MPP4: variants seen among roughly 807,000 people sequenced by gnomAD.
MPP4 encodes MAGUK p55 subfamily member 4.
Under a neutral mutation model 98.3 loss-of-function variants are expected in MPP4, and 91 were observed. That is an observed-to-expected ratio of 0.93 (90% confidence interval 0.78 to 1.10). The LOEUF (loss-of-function observed/expected upper bound fraction) is 1.10. MPP4 is among the 50% of genes least tolerant of loss of function. The pLI is 0.00. For missense variants in MPP4, 744 were observed against 792.9 expected, an observed-to-expected ratio of 0.94 and a Z score of 0.74; for synonymous variants, 261 against 271.8, an observed-to-expected ratio of 0.96 and a Z score of 0.39.
intron 18 of MPP4, chr2:201,651,412 A>C (rs1425549726): frequency 2.0e-6 from 2 of 985,320 alleles, no homozygotes; most frequent in African/African-American, 3.5e-5. Context: ...CTCAGGTGAT[A>C]GTGAATTATG....
At chr2:201,645,476 G>A (rs1169961544) in intron 21 of MPP4, 72 bp from the exon 22 acceptor site, 2 of 1,276,716 alleles carry the variant, frequency 1.6e-6, no homozygotes, top group Non-Finnish European at 2.1e-6. Context: ...AGTTTGTTAT[G>A]CTGTCACATT....
intron 8 of MPP4, 81 bp from the exon 9 acceptor site, chr2:201,681,648 A>G: frequency 2.0e-6 from 2 of 1,017,146 alleles, no homozygotes; most frequent in Non-Finnish European, 3.1e-6. Context: ...GTTACAGTGC[A>G]ATGTATCCAG....
intron 4 of MPP4, among the ~76,000 whole-genome samples, 187 bp downstream of exon 4, chr2:201,690,015 T>G (rs1457098022): frequency 1.3e-5 from 2 of 151,346 alleles, no homozygotes; most frequent in East Asian, 1.9e-4. Context: ...TGGTGGGGAG[T>G]GTTTTAATTT....
chr2:201,655,010 CTT>C, intron 17 of MPP4, 93 bp from the exon 18 acceptor site: 1 of 757,934 alleles, frequency 1.3e-6, no homozygotes, highest in Non-Finnish European at 2.1e-6. Flanking sequence ...ACTGAAGAAA[CTT>C]GAGAGCAAAT....
chr2:201,667,480 C>A (rs1355987607), intron 12 of MPP4, among the ~76,000 whole-genome samples: 1 of 152,212 alleles, frequency 6.6e-6, no homozygotes, highest in African/African-American at 2.4e-5. Context: ...ACAGGGACTG[C>A]CTCACTAGTT....
intron 18 of MPP4, among the ~76,000 whole-genome samples, chr2:201,652,514 A>T (rs1426435313): frequency 3.9e-5 from 6 of 152,234 alleles, no homozygotes; most frequent in Non-Finnish European, 7.3e-5. Context: ...TCTTTCACTC[A>T]GGTTTAATTT....
At chr2:201,647,566 T>G in intron 21 of MPP4, 125 bp downstream of exon 21, 1 of 1,009,044 alleles carries the variant, frequency 9.9e-7, no homozygotes. Context: ...TGAGGGCCTT[T>G]TGGAGAGGGG....
At chr2:201,658,599 C>T in intron 15 of MPP4, 81 bp from the exon 16 acceptor site, 7 of 1,340,696 alleles carry the variant, frequency 5.2e-6, no homozygotes, top group Non-Finnish European at 7.3e-6. Flanking sequence ...TCATTTTCAA[C>T]TTTTCAAGTG....
At chr2:201,698,052 C>A (rs992185153) in intron 1 of MPP4, 4 of 986,174 alleles carry the variant, frequency 4.1e-6, no homozygotes, top group Non-Finnish European at 4.8e-6. Context: ...CATGCAATTC[C>A]GGACTGAGTA....
intron 16 of MPP4, among the ~76,000 whole-genome samples, chr2:201,657,601 GTTTTTTTGT>G (rs1192286305): frequency 9.5e-6 from 1 of 104,994 alleles, no homozygotes; most frequent in Non-Finnish European, 1.9e-5. Flanking sequence ...TTTTTTTTTT[GTTTTTTTGT>G]TTTTTTTTGC....
At chr2:201,663,857 G>C (rs1688091836) in intron 14 of MPP4, among the ~76,000 whole-genome samples, 1 of 152,156 alleles carries the variant, frequency 6.6e-6, no homozygotes, top group African/African-American at 2.4e-5. Flanking sequence ...ACTCCAGCCT[G>C]AGTGACAGAG....
At position 201,685,103 on chromosome 2, in the gene MPP4, C is replaced by G; in HGVS notation, c.535G>C (p.Val179Leu). Residue 179 changes from valine (V) to leucine (L), a missense_variant, in exon 7 of 22, where the codon GTG becomes CTG. By Grantham distance (32) the Val-to-Leu change is conservative (BLOSUM62 1). Coordinates refer to ENST00000409474, the MANE Select transcript of MPP4 (RefSeq NM_033066.3). ...KRHEMTGDIL[V>L]ARIIHGGLAE... The stretch of plus-strand genomic sequence containing the variant: ...AGCCCACCGTGGATGATCCTGGCCA[C>G]CAAGATGTCCCCTGTCATCTCGTGG... The G allele has an allele frequency of 6.2e-7, 1 of 1,612,340 alleles. No homozygotes were observed. The highest frequency in any genetic ancestry group is 8.5e-7 in the Non-Finnish European group (1 of 1,179,396).
intron 5 of MPP4, among the ~76,000 whole-genome samples, chr2:201,687,078 C>T (rs758577104): frequency 6.6e-6 from 1 of 152,170 alleles, no homozygotes; most frequent in Non-Finnish European, 1.5e-5. Flanking sequence ...TGGATGCCTC[C>T]TCATAAACAC....
Position 201,680,987 on chromosome 2 carries a change from GTCGGGATCCTCCTGGGGCCAGTAC to G in MPP4, c.756_779del (p.Glu252_Pro259del). On this transcript the variant is annotated inframe_deletion, in exon 10 of 22. Coordinates refer to ENST00000409474, the MANE Select transcript of MPP4 (RefSeq NM_033066.3). ...GCAATCCAGCGTCCATGCAGGGGAT[GTCGGGATCCTCCTGGGGCCAGTAC>G]TCAGTCATGGCACGGACGTACACCT... is the stretch of plus-strand genomic sequence containing the variant. 1 of 1,613,924 alleles carries G rather than the reference GTCGGGATCCTCCTGGGGCCAGTAC, an allele frequency of 6.2e-7. No homozygotes were observed. Among genetic ancestry groups the G allele is most frequent in the African/African-American group, 1.3e-5 (1 of 75,018 alleles).
At chr2:201,679,510 C>A (rs1291725238) in intron 10 of MPP4, among the ~76,000 whole-genome samples, 1 of 152,140 alleles carries the variant, frequency 6.6e-6, no homozygotes, top group Non-Finnish European at 1.5e-5. Flanking sequence ...CAAGTGCCTG[C>A]CATATGCTCC....
In MPP4 at chr2:201,666,381, G is replaced by A. The variant is rs1178908126; in HGVS notation, c.1013-9C>T. ...AATCTTCATGTCATCTTCTATAAAA[G>A]AGTATAGAAAGGGAGAAACAGAATT... On this transcript the variant is annotated splice_polypyrimidine_tract_variant and intron_variant, in intron 12 of 21. Transcript: ENST00000409474. The A allele has an allele frequency of 3.1e-5, 47 of 1,537,358 alleles. No individual in the cohort carries two copies. Among genetic ancestry groups the A allele is most frequent in the Non-Finnish European group, 3.9e-5 (45 of 1,139,468 alleles).
At chr2:201,681,268 ATGT>A (rs1688658104) in intron 9 of MPP4, among the ~76,000 whole-genome samples, 1 of 152,128 alleles carries the variant, frequency 6.6e-6, no homozygotes, top group Admixed American at 6.5e-5. Flanking sequence ...TTAGGCTCAA[ATGT>A]TCATGATTTT....
rs201652447 is a variant in MPP4, at chr2:201,692,868, C to G, written c.201+40G>C. 1.9e-6 allele frequency: 3 copies of G among 1,595,258 alleles called. No homozygotes were observed. The Admixed American group carries it at 5.2e-5, about 28-fold the overall frequency. On this transcript the variant is annotated intron_variant, in intron 3 of 21. Transcript: ENST00000409474. ...CATTTTCTACACACTCCCCACAACC[C>G]CTTCAGCAAGCAAAGGCTTCCGAGC... is the stretch of plus-strand genomic sequence containing the variant.
intron 19 of MPP4, 73 bp from the exon 20 acceptor site, chr2:201,649,757 A>T (rs780739724): frequency 1.0e-6 from 1 of 981,270 alleles, no homozygotes. Context: ...ATGAGGATAA[A>T]CTGCACTAGA....
Sources: allele counts gnomAD v4.1 joint callset (sites outside exome capture counted in the v4.1 genomes callset), GRCh38; gene constraint gnomAD v4.1.1; transcripts MANE v1.5; gene names NCBI Gene and HGNC (gene_info 2026-07-23, HGNC 2026-07-21).